NCBP1: variants seen among roughly 807,000 people sequenced by gnomAD.
NCBP1 encodes nuclear cap-binding protein subunit 1.
Under a neutral mutation model 111.7 loss-of-function variants are expected in NCBP1, and 16 were observed. That is an observed-to-expected ratio of 0.14 (90% CI 0.10 to 0.22). NCBP1 has a LOEUF of 0.22. Among genes scored for constraint, NCBP1 ranks in the 10% least tolerant of loss-of-function variants. The probability of loss-of-function intolerance (pLI) is 1.00; values close to 1 mark genes in which losing one functional copy is unlikely to be tolerated. For missense variants in NCBP1, 607 were observed against 957.5 expected (o/e 0.63, Z 4.83); for synonymous variants, 304 against 314.3 (o/e 0.97, Z 0.35).
chr9:97,655,862 A>G (rs983872254), intron 13 of NCBP1, 98 bp downstream of exon 13: 10 of 1,382,630 alleles, frequency 7.2e-6, no homozygotes, highest in Admixed American at 2.2e-5. Context: ...TTTCTTGGAA[A>G]CTATTTGTAG....
chr9:97,670,050 ATT>A, intron 22 of NCBP1: 17 of 357,030 alleles, frequency 4.8e-5, no homozygotes, highest in Non-Finnish European at 7.1e-5. Flanking sequence ...AGCCTCCCAT[ATT>A]GCTGGGATTA....
chr9:97,647,760 T>C (rs1827387094), intron 7 of NCBP1, among the ~76,000 whole-genome samples, 199 bp downstream of exon 7: 1 of 152,264 alleles, frequency 6.6e-6, no homozygotes, highest in East Asian at 1.9e-4. Flanking sequence ...CCTTGTTCTT[T>C]GGAATGCCAG....
intron 14 of NCBP1, 74 bp downstream of exon 14, chr9:97,656,159 G>A (rs1175784567): frequency 2.5e-6 from 3 of 1,198,646 alleles, no homozygotes; most frequent in African/African-American, 3.0e-5. Context: ...TGTGATGTGT[G>A]TTCAGAATAT....
intron 20 of NCBP1, among the ~76,000 whole-genome samples, chr9:97,667,905 TACC>T (rs1828056692): frequency 6.6e-6 from 1 of 152,216 alleles, no homozygotes; most frequent in Non-Finnish European, 1.5e-5. Context: ...TCTAGAACCT[TACC>T]TTTGAGTGGT....
chr9:97,657,906 CTA>C (rs34556640), intron 14 of NCBP1, among the ~76,000 whole-genome samples: 9,088 of 126,326 alleles, frequency 0.072, 487 homozygotes, highest in South Asian at 0.22. Flanking sequence ...CTCTCTCTCT[CTA>C]TATATATATA....
intron 2 of NCBP1, 83 bp downstream of exon 2, chr9:97,640,965 T>C (rs1827190166): frequency 2.9e-6 from 3 of 1,052,018 alleles, no homozygotes; most frequent in Non-Finnish European, 4.1e-6. Flanking sequence ...AGCTGAAAAG[T>C]TGGACTACAT....
intron 4 of NCBP1, among the ~76,000 whole-genome samples, chr9:97,644,575 A>G (rs949685795): frequency 2.6e-5 from 4 of 152,206 alleles, no homozygotes; most frequent in African/African-American, 9.6e-5. Context: ...GACTTTTAGT[A>G]GTGTTTAGCA....
intron 19 of NCBP1, 102 bp from the exon 20 acceptor site, chr9:97,666,661 A>AG (rs1347048656): frequency 1.7e-5 from 12 of 695,522 alleles, no homozygotes; most frequent in Non-Finnish European, 2.6e-5. Flanking sequence ...CAAGGACAGA[A>AG]GGCTGTATCA....
At position 97,662,065 on chromosome 9, in the gene NCBP1, T is replaced by C. The variant is rs779622801; in HGVS notation, c.1624T>C (p.Leu542=). 8 of 1,613,624 alleles carry C rather than the reference T, an allele frequency of 5.0e-6. No homozygotes were observed. The East Asian group carries it at 1.6e-4, about 31-fold the overall frequency. The change falls in exon 17 of 23, where the codon TTG becomes CTG. Residue 542 remains leucine, a synonymous_variant. Coordinates refer to ENST00000375147, the MANE Select transcript of NCBP1 (RefSeq NM_002486.5). Reference sequence around the variant, plus strand: ...AGATGAAGGATTCAGTTTTAACCCATTGAAAATAGAAGTCTTTGTACAGAC... The same window carrying C: ...AGATGAAGGATTCAGTTTTAACCCACTGAAAATAGAAGTCTTTGTACAGAC... ...DDDEGFSFNP[L]KIEVFVQTLL... is the part of the protein sequence containing the mutation.
At chr9:97,633,999 G>T in intron 1 of NCBP1, 84 bp downstream of exon 1, 1 of 1,403,914 alleles carries the variant, frequency 7.1e-7, no homozygotes, top group Non-Finnish European at 9.5e-7. Flanking sequence ...GGAAGAGACT[G>T]GAAGCTCTTC....
At chr9:97,668,213 A>C (rs1012632708) in intron 20 of NCBP1, among the ~76,000 whole-genome samples, 14 of 152,322 alleles carry the variant, frequency 9.2e-5, no homozygotes, top group African/African-American at 2.9e-4. Flanking sequence ...TGATGCTGGG[A>C]AAGTCATCTA....
chr9:97,646,839 C>CAAAAAA (rs1199961668), intron 6 of NCBP1, among the ~76,000 whole-genome samples: 8 of 55,712 alleles, frequency 1.4e-4, no homozygotes, highest in East Asian at 4.9e-4. Flanking sequence ...GACTCCGTCT[C>CAAAAAA]AAAAAAAAAA....
At chr9:97,639,002 T>C (rs1283319158) in intron 1 of NCBP1, among the ~76,000 whole-genome samples, 10 of 152,160 alleles carry the variant, frequency 6.6e-5, no homozygotes, top group Admixed American at 6.5e-4. Flanking sequence ...TGTGTGAAAT[T>C]TGGCACTTTG....
chr9:97,669,391 T>G (rs1198661330), intron 21 of NCBP1, among the ~76,000 whole-genome samples: 2 of 152,230 alleles, frequency 1.3e-5, no homozygotes, highest in Non-Finnish European at 2.9e-5. Flanking sequence ...AAGGTCTTTA[T>G]GTATTGCCAG....
intron 1 of NCBP1, among the ~76,000 whole-genome samples, chr9:97,636,419 ACT>A (rs896844587): frequency 1.3e-5 from 2 of 148,500 alleles, no homozygotes; most frequent in Admixed American, 6.7e-5. Context: ...CGTATGCTTG[ACT>A]CTCTATATAT....
In NCBP1 at chr9:97,672,436, T is replaced by A. The variant is rs1446446692; in HGVS notation, c.*1237T>A. 6.6e-6 allele frequency: 1 copy of A among 152,252 alleles called. No homozygotes were observed. Among genetic ancestry groups the A allele is most frequent in the Non-Finnish European group, 1.5e-5 (1 of 68,038 alleles). The allele number at this position is 152,252 out of a possible 1,614,324, so 9.4% of individuals were successfully genotyped here. A position where few individuals can be genotyped will look rare whatever the true frequency, so the allele number is the denominator to read the frequency against. ...AGTCTGCTTAATAAATGGGAATTCC[T>A]AGAATGTTTAAATACCATACTATTT... On this transcript the variant is annotated 3_prime_UTR_variant, in exon 23 of 23. Transcript: ENST00000375147.
At chr9:97,636,654 AT>A in intron 1 of NCBP1, among the ~76,000 whole-genome samples, 1 of 134,332 alleles carries the variant, frequency 7.4e-6, no homozygotes, top group African/African-American at 3.2e-5. Flanking sequence ...ATATATATAT[AT>A]ATATATATAT....
chr9:97,635,412 CCCTTT>C (rs1826987301), intron 1 of NCBP1, among the ~76,000 whole-genome samples: 1 of 130,630 alleles, frequency 7.7e-6, no homozygotes, highest in Non-Finnish European at 1.6e-5. Context: ...ACAATTCCCT[CCCTTT>C]TTTTTTTTTT....
At chr9:97,646,558 G>A (rs111609605) in intron 6 of NCBP1, among the ~76,000 whole-genome samples, 3,665 of 152,036 alleles carry the variant, frequency 0.024, 135 homozygotes, top group East Asian at 0.13. Flanking sequence ...TCTTTTGGCC[G>A]GGCGCAGTGG....
Sources: allele counts gnomAD v4.1 joint callset (sites outside exome capture counted in the v4.1 genomes callset), GRCh38; gene constraint gnomAD v4.1.1; transcripts MANE v1.5; gene names NCBI Gene and HGNC (gene_info 2026-07-23, HGNC 2026-07-21).